The following KCNK9 variants were observed in gnomAD, a reference collection of about 807,000 sequenced individuals.
KCNK9 encodes the protein potassium channel subfamily K member 9.
KCNK9 carries 1 observed loss-of-function variant against 10.8 expected under a neutral mutation model. The observed-to-expected ratio is 0.09, with a 90% CI of 0.03 to 0.44. The LOEUF (loss-of-function observed/expected upper bound fraction) is 0.44, where lower values mean the gene tolerates loss of function less well. Among genes scored for constraint, KCNK9 ranks in the 20% least tolerant of loss-of-function variants. The pLI, the probability that KCNK9 is intolerant of heterozygous loss-of-function variation, is 0.97. For missense variants in KCNK9, 303 were observed against 515.0 expected, an observed-to-expected ratio of 0.59 and a Z score of 3.98; for synonymous variants, 231 against 222.7, an observed-to-expected ratio of 1.04 and a Z score of -0.33.
chr8:139,699,263 A>C (rs73726704), intron 1 of KCNK9, among the ~76,000 whole-genome samples: 2,157 of 152,270 alleles, frequency 0.014, 50 homozygotes, highest in African/African-American at 0.048. Context: ...GGAGAGGCTA[A>C]AGCGCCTGCT....
intron 1 of KCNK9, among the ~76,000 whole-genome samples, chr8:139,657,061 C>T (rs1197029651): frequency 6.6e-6 from 1 of 152,210 alleles, no homozygotes; most frequent in Non-Finnish European, 1.5e-5. Context: ...CACCCTGTCT[C>T]CTGCCTGGTC....
intron 1 of KCNK9, among the ~76,000 whole-genome samples, chr8:139,631,509 T>A (rs1013462590): frequency 1.3e-5 from 2 of 152,226 alleles, no homozygotes; most frequent in Admixed American, 1.3e-4. Context: ...GGCTGCAGGC[T>A]GGGCGCCCAC....
intron 1 of KCNK9, among the ~76,000 whole-genome samples, chr8:139,624,157 C>T (rs1325319486): frequency 1.3e-5 from 2 of 152,222 alleles, no homozygotes; most frequent in Non-Finnish European, 2.9e-5. Flanking sequence ...CCACGCTGCT[C>T]ATCTCCAGAG....
intron 1 of KCNK9, among the ~76,000 whole-genome samples, chr8:139,645,768 C>A (rs1182238349): frequency 6.6e-6 from 1 of 152,198 alleles, no homozygotes; most frequent in Non-Finnish European, 1.5e-5. Context: ...CCGTGCAAGG[C>A]CCCAAGCGGT....
At chr8:139,678,990 G>A (rs1054150703) in intron 1 of KCNK9, among the ~76,000 whole-genome samples, 2 of 152,224 alleles carry the variant, frequency 1.3e-5, no homozygotes, top group African/African-American at 4.8e-5. Flanking sequence ...CTGAAAAGAT[G>A]CATTTGCGGG....
At chr8:139,610,362 C>T (rs1814383353), downstream of KCNK9, among the ~76,000 whole-genome samples, 1 of 152,230 alleles carries the variant, frequency 6.6e-6, no homozygotes, top group Non-Finnish European at 1.5e-5. Flanking sequence ...GAGTCAAGAT[C>T]ACTGTTTTTC....
At position 139,618,752 on chromosome 8, in the gene KCNK9, T is replaced by C. The variant is rs200532554; in HGVS notation, c.631A>G (p.Lys211Glu). Residue 211 changes from lysine to glutamate, a missense_variant, in exon 2 of 2, where the codon AAG becomes GAG. Physicochemically the swap from Lys to Glu is moderately conservative, Grantham distance 56. This residue lies in a region of KCNK9 where 53 missense variants were observed against 134.9 expected (regional missense o/e 0.39). Transcript: ENST00000520439. The surrounding 1 kb of genome is among the most constrained non-coding windows in gnomAD (Gnocchi z 7.9). ...GFGDYVALQT[K>E]GALQKKPLYV... is the part of the protein sequence containing the mutation. ...AGCGGCTTCTTCTGCAGGGCACCCT[T>C]GGTCTGCAGGGCCACGTAGTCCCCG... is the stretch of plus-strand genomic sequence containing the variant. 8.7e-6 allele frequency: 14 copies of C among 1,614,024 alleles called. No homozygotes were observed. In the South Asian group the frequency reaches 1.5e-4, roughly 18 times the overall value.
intron 1 of KCNK9, among the ~76,000 whole-genome samples, chr8:139,648,421 G>A (rs772965095): frequency 1.6e-4 from 25 of 152,314 alleles, no homozygotes; most frequent in Middle Eastern, 3.4e-3. Context: ...TTTGTAAAGC[G>A]TATTCTACCT....
chr8:139,607,770 G>T (rs1363318273), downstream of KCNK9, among the ~76,000 whole-genome samples: 2 of 152,194 alleles, frequency 1.3e-5, no homozygotes, highest in African/African-American at 4.8e-5. Flanking sequence ...GAAAGACTGG[G>T]CCCTGTCTCT....
intron 1 of KCNK9, among the ~76,000 whole-genome samples, chr8:139,635,413 G>A (rs1815307987): frequency 6.6e-6 from 1 of 152,230 alleles, no homozygotes; most frequent in Admixed American, 6.5e-5. Flanking sequence ...GGGGACCAGG[G>A]CCGGAAGGAG....
At chr8:139,629,199 CCA>C (rs1199315722) in intron 1 of KCNK9, among the ~76,000 whole-genome samples, 6 of 152,238 alleles carry the variant, frequency 3.9e-5, no homozygotes, top group Admixed American at 3.9e-4. Context: ...CCTTTAGTCC[CCA>C]CAGCGACCTC....
At chr8:139,600,898 T>C (rs1586614081), downstream of KCNK9, 1 of 152,312 alleles carries the variant, frequency 6.6e-6, no homozygotes, top group East Asian at 1.9e-4. Context: ...TCTCAGTAGG[T>C]GCTTTGACTC....
At chr8:139,658,087 T>G (rs1166165355) in intron 1 of KCNK9, among the ~76,000 whole-genome samples, 1 of 152,228 alleles carries the variant, frequency 6.6e-6, no homozygotes, top group Non-Finnish European at 1.5e-5. Context: ...GGTCATGGCA[T>G]CCACTCAGAT....
chr8:139,629,640 T>A (rs1815097612), intron 1 of KCNK9, among the ~76,000 whole-genome samples: 1 of 152,056 alleles, frequency 6.6e-6, no homozygotes, highest in South Asian at 2.1e-4. Flanking sequence ...AGACACTGAT[T>A]TCTCCACAGT....
At chr8:139,619,379 AAAG>A (rs1379984621) in intron 1 of KCNK9, among the ~76,000 whole-genome samples, 3 of 152,092 alleles carry the variant, frequency 2.0e-5, no homozygotes, top group Non-Finnish European at 4.4e-5. Context: ...GGGAAGAGAA[AAAG>A]AAGAACCAAT....
chr8:139,679,772 C>T (rs1011135231), intron 1 of KCNK9, among the ~76,000 whole-genome samples: 2 of 152,180 alleles, frequency 1.3e-5, no homozygotes, highest in African/African-American at 2.4e-5. Flanking sequence ...CCTGGGGAAA[C>T]ACAGGGGTCC....
Position 139,618,015 on chromosome 8 carries a change from A to C in KCNK9, c.*243T>G. ...TAGTCTGCTGGGAAGGAAGGAGGAGATCCATGCTTCATGCTCAGATGTGAG... is the reference window on the plus strand; with the variant it reads ...TAGTCTGCTGGGAAGGAAGGAGGAGCTCCATGCTTCATGCTCAGATGTGAG... On this transcript the variant is annotated 3_prime_UTR_variant, in exon 2 of 2. Coordinates refer to ENST00000520439, the MANE Select transcript of KCNK9 (RefSeq NM_001282534.2). This position sits in a 1 kb window ranked among gnomAD's most constrained non-coding sequence, Gnocchi z 7.9. 1.9e-6 allele frequency: 1 copy of C among 531,090 alleles called. No homozygotes were observed. Among genetic ancestry groups the C allele is most frequent in the Non-Finnish European group, 3.3e-6 (1 of 300,110 alleles). The allele number at this position is 531,090 out of a possible 1,614,324, so 32.9% of individuals were successfully genotyped here.
chr8:139,607,661 G>A (rs1332841114), downstream of KCNK9, among the ~76,000 whole-genome samples: 2 of 152,226 alleles, frequency 1.3e-5, no homozygotes, highest in African/African-American at 2.4e-5. Context: ...CGAGTCTCCA[G>A]TGAGAGGAGA....
At chr8:139,672,927 C>A (rs186456669) in intron 1 of KCNK9, among the ~76,000 whole-genome samples, 104 of 152,272 alleles carry the variant, frequency 6.8e-4, no homozygotes, top group South Asian at 3.3e-3. Context: ...CTGCGCCAGG[C>A]GGGAGAGGGC....
Sources: allele counts gnomAD v4.1 joint callset (sites outside exome capture counted in the v4.1 genomes callset), GRCh38; gene constraint gnomAD v4.1.1; regional missense constraint gnomAD v4.1.1; non-coding constraint Gnocchi (gnomAD v3.1); transcripts MANE v1.5; gene names NCBI Gene and HGNC (gene_info 2026-07-23, HGNC 2026-07-21).